Variants in PPP1R12A observed in about 807,000 individuals in gnomAD.
PPP1R12A encodes the protein myosin binding subunit.
PPP1R12A carries 19 observed loss-of-function variants against 139.6 expected under a neutral mutation model. The ratio of observed to expected loss-of-function variants is 0.14; its 90% CI spans 0.09 to 0.20. The LOEUF is 0.20. Ranked by LOEUF, PPP1R12A falls within the 10% of genes least tolerant of loss-of-function variation. The pLI is 1.00. For missense variants in PPP1R12A, 925 were observed against 1,211.5 expected, an observed-to-expected ratio of 0.76 and a Z score of 3.51; for synonymous variants, 427 against 420.6, an observed-to-expected ratio of 1.02 and a Z score of -0.19.
intron 5 of PPP1R12A, among the ~76,000 whole-genome samples, chr12:79,824,676 C>T (rs1484477069): frequency 6.6e-6 from 1 of 152,106 alleles, no homozygotes; most frequent in Non-Finnish European, 1.5e-5. Context: ...ATAAAGCTAA[C>T]AGTCATGAAG....
chr12:79,890,905 CCACACACACA>C (rs1303227049), intron 1 of PPP1R12A, among the ~76,000 whole-genome samples: 11 of 115,716 alleles, frequency 9.5e-5, no homozygotes, highest in South Asian at 2.9e-4. Context: ...CCACACCCAC[CCACACACACA>C]CACACACACA....
chr12:79,903,939 T>A (rs1885872800), intron 1 of PPP1R12A, among the ~76,000 whole-genome samples: 1 of 152,192 alleles, frequency 6.6e-6, no homozygotes, highest in Non-Finnish European at 1.5e-5. Context: ...ATCTGCCTGT[T>A]GACATCATCT....
upstream of PPP1R12A, chr12:79,935,282 A>G (rs1300477919): frequency 3.7e-6 from 4 of 1,072,606 alleles, no homozygotes; most frequent in South Asian, 1.1e-4. Context: ...CGCTCCCGCG[A>G]ACTGCGGCGG....
At chr12:79,924,251 A>G (rs1272418416) in intron 1 of PPP1R12A, among the ~76,000 whole-genome samples, 6 of 152,208 alleles carry the variant, frequency 3.9e-5, no homozygotes. Flanking sequence ...AAAAGAAAAA[A>G]TCTTGAATAT....
At chr12:79,802,749 C>T (rs1394624924) in intron 14 of PPP1R12A, among the ~76,000 whole-genome samples, 1 of 152,114 alleles carries the variant, frequency 6.6e-6, no homozygotes, top group African/African-American at 2.4e-5. Context: ...CACCACACTA[C>T]AGCCTGGGTG....
chr12:79,814,469 T>C (rs1875020196), intron 9 of PPP1R12A, among the ~76,000 whole-genome samples: 3 of 75,342 alleles, frequency 4.0e-5, no homozygotes, highest in Admixed American at 2.2e-4. Flanking sequence ...AGAGCAAGAC[T>C]CCATCTCAAA....
At chr12:79,794,061 C>T in intron 18 of PPP1R12A, 133 bp from the exon 19 acceptor site, 3 of 628,342 alleles carry the variant, frequency 4.8e-6, no homozygotes, top group Non-Finnish European at 7.7e-6. Context: ...AATGAGATGT[C>T]TAGGATTTTC....
intron 10 of PPP1R12A, among the ~76,000 whole-genome samples, chr12:79,809,116 A>G (rs190616289): frequency 4.8e-4 from 73 of 152,230 alleles, no homozygotes; most frequent in African/African-American, 1.6e-3. Flanking sequence ...ATACCTGGAA[A>G]CCAACTGCAC....
At position 79,775,150 on chromosome 12, in the gene PPP1R12A, A is replaced by G. The variant is rs926751673; in HGVS notation, c.*779T>C. On this transcript the variant is annotated 3_prime_UTR_variant, in exon 25 of 25. Coordinates refer to ENST00000450142, the MANE Select transcript of PPP1R12A (RefSeq NM_002480.3). ...CTAAAATGAATGTGAAGATTACAGAATCTAACATCTTATACTACAATAAAA... is the reference window on the plus strand; with the variant it reads ...CTAAAATGAATGTGAAGATTACAGAGTCTAACATCTTATACTACAATAAAA... 1.3e-5 allele frequency: 2 copies of G among 152,596 alleles called. No individual in the cohort carries two copies. The highest frequency in any genetic ancestry group is 4.8e-5 in the African/African-American group (2 of 41,472). The allele number at this position is 152,596 out of a possible 1,614,324, so 9.5% of individuals were successfully genotyped here.
intron 8 of PPP1R12A, among the ~76,000 whole-genome samples, chr12:79,819,733 G>C (rs1028440973): frequency 6.6e-6 from 1 of 152,082 alleles, no homozygotes; most frequent in African/African-American, 2.4e-5. Flanking sequence ...CTTGAGGACA[G>C]GAGTTCAAGA....
chr12:79,797,117 T>C, intron 16 of PPP1R12A, 78 bp downstream of exon 16: 1 of 1,380,316 alleles, frequency 7.2e-7, no homozygotes. Flanking sequence ...TTTGTTGGTA[T>C]ATAAATCTCT....
chr12:79,896,836 G>A (rs1477870399), intron 1 of PPP1R12A, among the ~76,000 whole-genome samples: 1 of 152,190 alleles, frequency 6.6e-6, no homozygotes, highest in Non-Finnish European at 1.5e-5. Flanking sequence ...CTGAAATCAA[G>A]AAGGAGTGTA....
chr12:79,894,777 C>G (rs867630860), intron 1 of PPP1R12A, among the ~76,000 whole-genome samples: 45 of 152,166 alleles, frequency 3.0e-4, no homozygotes, highest in Middle Eastern at 3.2e-3. Context: ...TTATTACACT[C>G]TGCTGTTACA....
intron 1 of PPP1R12A, among the ~76,000 whole-genome samples, chr12:79,915,713 C>G (rs987532101): frequency 2.0e-5 from 3 of 152,116 alleles, no homozygotes; most frequent in Non-Finnish European, 4.4e-5. Context: ...GCTCCTACAA[C>G]TTTATCTGCT....
At chr12:79,932,769 T>A (rs1888347936) in intron 1 of PPP1R12A, among the ~76,000 whole-genome samples, 1 of 152,228 alleles carries the variant, frequency 6.6e-6, no homozygotes, top group Non-Finnish European at 1.5e-5. Context: ...CAGTTAAATG[T>A]ATTTTCTCTT....
chr12:79,827,253 T>G (rs557225786), intron 5 of PPP1R12A, among the ~76,000 whole-genome samples: 3 of 152,334 alleles, frequency 2.0e-5, no homozygotes, highest in African/African-American at 7.2e-5. Context: ...CAAATTTTTT[T>G]ACTTTCCTTA....
chr12:79,885,550 T>C (rs1268825376), intron 1 of PPP1R12A, among the ~76,000 whole-genome samples: 1 of 152,142 alleles, frequency 6.6e-6, no homozygotes, highest in Non-Finnish European at 1.5e-5. Flanking sequence ...TCTAAGAGGA[T>C]GGTTAAGTTT....
chr12:79,844,106 T>G lies in PPP1R12A; in HGVS notation c.487+1196A>C, dbSNP rs369372435. Among the ~76,000 whole-genome samples, 154 of 151,316 alleles carry G rather than the reference T, an allele frequency of 1.0e-3. 3 individuals carry two copies. Among genetic ancestry groups the G allele is most frequent in the African/African-American group, 3.5e-3 (144 of 41,266 alleles). Reference sequence around the variant, plus strand: ...GCATTTAAAGTGTAGAATTCAATGGTTTTTTTTTAGTAAATGTGAGGAGTG... The same window carrying G: ...GCATTTAAAGTGTAGAATTCAATGGGTTTTTTTTAGTAAATGTGAGGAGTG... On this transcript the variant is annotated intron_variant, in intron 3 of 24. Coordinates refer to ENST00000450142, the MANE Select transcript of PPP1R12A (RefSeq NM_002480.3).
intron 1 of PPP1R12A, among the ~76,000 whole-genome samples, chr12:79,911,375 A>C (rs528351549): frequency 6.6e-6 from 1 of 152,302 alleles, no homozygotes; most frequent in Non-Finnish European, 1.5e-5. Context: ...GCATGTTCTC[A>C]TAAGTGGAAG....
Sources: gnomAD v4.1 joint callset for allele counts (sites outside exome capture counted in the v4.1 genomes callset) on GRCh38, gnomAD v4.1.1 for gene constraint, MANE v1.5 for transcripts, NCBI Gene and HGNC (gene_info 2026-07-23, HGNC 2026-07-21) for gene names.